Variants in AP2A2 observed in about 807,000 individuals in gnomAD.
AP2A2 encodes adaptor related protein complex 2 subunit alpha 2.
AP2A2 carries 32 observed loss-of-function variants against 104.2 expected under a neutral mutation model. The observed-to-expected ratio is 0.31, with a 90% CI of 0.23 to 0.41. AP2A2 has a LOEUF of 0.41. AP2A2 is among the 10% of genes least tolerant of loss of function. AP2A2 has a pLI of 1.00. For missense variants in AP2A2, 912 were observed against 1,261.0 expected (o/e 0.72, Z 4.19); for synonymous variants, 539 against 533.3 (o/e 1.01, Z -0.15).
At chr11:969,317 G>A (rs771667728) in intron 2 of AP2A2, among the ~76,000 whole-genome samples, 2 of 129,810 alleles carry the variant, frequency 1.5e-5, no homozygotes, top group Non-Finnish European at 3.1e-5. Flanking sequence ...CGCAACCTCC[G>A]CCTCCCAGGT....
intron 2 of AP2A2, among the ~76,000 whole-genome samples, chr11:959,842 C>G (rs1396059676): frequency 6.6e-6 from 1 of 152,090 alleles, no homozygotes; most frequent in Non-Finnish European, 1.5e-5. Context: ...CCACCGAACG[C>G]CTCCTGCTGA....
intron 18 of AP2A2, 73 bp from the exon 19 acceptor site, chr11:1,009,027 G>C: frequency 1.5e-6 from 2 of 1,298,294 alleles, no homozygotes; most frequent in East Asian, 2.4e-5. Context: ...TCTCACTCCA[G>C]GCTCTTTCCC....
chr11:954,345 C>T (rs1854157574), intron 1 of AP2A2, among the ~76,000 whole-genome samples: 1 of 151,952 alleles, frequency 6.6e-6, no homozygotes, highest in African/African-American at 2.4e-5. Flanking sequence ...GGCCTGCCCT[C>T]GTTTTAAAGT....
intron 14 of AP2A2, 143 bp from the exon 15 acceptor site, chr11:1,000,289 G>C: frequency 2.7e-6 from 2 of 729,790 alleles, no homozygotes; most frequent in East Asian, 2.7e-5. Flanking sequence ...GTCACTCACT[G>C]AGTTGTGTGC....
At chr11:939,877 C>T (rs1384087977) in intron 1 of AP2A2, among the ~76,000 whole-genome samples, 5 of 151,498 alleles carry the variant, frequency 3.3e-5, no homozygotes, top group South Asian at 2.1e-4. Flanking sequence ...TGTTCTCAGC[C>T]GAGAATAACA....
At chr11:967,101 A>T (rs1318440633) in intron 2 of AP2A2, among the ~76,000 whole-genome samples, 1 of 152,030 alleles carries the variant, frequency 6.6e-6, no homozygotes, top group East Asian at 2.0e-4. Context: ...TGGGAGGTGG[A>T]GGTTGCAGTG....
chr11:992,400 A>G lies in AP2A2; in HGVS notation c.1270-103A>G, dbSNP rs529906372. 6.5e-6 allele frequency: 8 copies of G among 1,223,468 alleles called. No homozygotes were observed. In the African/African-American group the frequency reaches 9.0e-5, roughly 14 times the overall value. 75.8% of individuals were successfully genotyped at this position (1,223,468 alleles called of 1,614,324 possible). A position where few individuals can be genotyped will look rare whatever the true frequency, so the allele number is the denominator to read the frequency against. ...CCATGTCCCAAACTTTTGTAGACAC[A>G]TTGAGGTGCTTCTGAAACTCTCACT... is the stretch of plus-strand genomic sequence containing the variant. On this transcript the variant is annotated intron_variant, in intron 10 of 21. Transcript: ENST00000448903. This position sits in a 1 kb window ranked among gnomAD's most constrained non-coding sequence, Gnocchi z 6.4.
intron 1 of AP2A2, among the ~76,000 whole-genome samples, chr11:937,759 T>C (rs1430027943): frequency 6.6e-6 from 1 of 152,260 alleles, no homozygotes; most frequent in African/African-American, 2.4e-5. Flanking sequence ...GTACGATTTC[T>C]ACTGAGTGCG....
chr11:1,009,439 G>T, intron 20 of AP2A2, 42 bp downstream of exon 20: 1 of 1,549,690 alleles, frequency 6.5e-7, no homozygotes, highest in Non-Finnish European at 8.8e-7. Flanking sequence ...CACGCAGCCC[G>T]TGACCCCGCG....
In AP2A2 at chr11:993,299, G is replaced by A. The variant is rs368078144; in HGVS notation, c.1468G>A (p.Ala490Thr). 2.2e-5 allele frequency: 36 copies of A among 1,609,996 alleles called. 1 individual carries two copies. The South Asian group carries it at 3.6e-4, about 16-fold the overall frequency. ...KTVFEALQAP[A>T]CHENLVKVGG... ...TGCTTCGCAGGCTCTTCAGGCTCCC[G>A]CGTGCCACGAGAACCTGGTCAAAGT... Residue 490 changes from alanine (A) to threonine (T), a missense_variant, in exon 12 of 22, where the codon GCG (alanine) becomes ACG (threonine). Physicochemically the swap from Ala to Thr is moderately conservative, Grantham distance 58 (BLOSUM62 0). Transcript: ENST00000448903. The surrounding 1 kb of genome is among the most constrained non-coding windows in gnomAD (Gnocchi z 8.2).
rs764077237 is a variant in AP2A2 at position 1,000,563 on chromosome 11, G to T, written c.2088G>T (p.Ala696=). The change falls in exon 15 of 22, where the codon GCG becomes GCT. Residue 696 remains alanine, a synonymous_variant. Coordinates refer to ENST00000448903, the MANE Select transcript of AP2A2 (RefSeq NM_012305.4). ...DVFSDSASVV[A]PLAPGSEDNF... ...TCTCAGACTCGGCCTCTGTGGTCGCGCCTCTCGCTCCTGGCTCCGAAGACA... is the reference window on the plus strand; with the variant it reads ...TCTCAGACTCGGCCTCTGTGGTCGCTCCTCTCGCTCCTGGCTCCGAAGACA... 1 of 1,550,398 alleles carries T rather than the reference G, an allele frequency of 6.4e-7. No individual in the cohort carries two copies. Among genetic ancestry groups the T allele is most frequent in the South Asian group, 1.2e-5 (1 of 84,864 alleles).
intron 9 of AP2A2, among the ~76,000 whole-genome samples, chr11:987,493 C>CA (rs1224595656): frequency 4.0e-5 from 6 of 149,994 alleles, no homozygotes; most frequent in East Asian, 2.0e-4. Flanking sequence ...ACTAAAAATG[C>CA]AAAAAAAAAT....
rs115708055 is a variant in AP2A2, at chr11:938,975, C to G, written c.67+12887C>G. Among the ~76,000 whole-genome samples, 1,399 of 152,032 alleles carry G rather than the reference C, an allele frequency of 9.2e-3. 29 individuals are homozygous for G. Among genetic ancestry groups the G allele is most frequent in the African/African-American group, 0.032 (1,330 of 41,478 alleles). On this transcript the variant is annotated intron_variant, in intron 1 of 21. Coordinates refer to ENST00000448903, the MANE Select transcript of AP2A2 (RefSeq NM_012305.4). ...AAAGTTAAAGAATGTAGTTTAAGGC[C>G]AGGTGCGGTGGCTCACGCCTGTAAT... is the stretch of plus-strand genomic sequence containing the variant.
At chr11:975,233 C>T (rs531888638) in intron 4 of AP2A2, among the ~76,000 whole-genome samples, 6 of 151,790 alleles carry the variant, frequency 4.0e-5, no homozygotes, top group Non-Finnish European at 7.4e-5. Context: ...CGGTCTCCCT[C>T]GTGTGAGCCG....
chr11:955,472 G>A (rs945278579), intron 1 of AP2A2, among the ~76,000 whole-genome samples: 1 of 152,214 alleles, frequency 6.6e-6, no homozygotes, highest in Non-Finnish European at 1.5e-5. Context: ...ATGCTGAGAC[G>A]CTGGGCAGCC....
intron 9 of AP2A2, 96 bp downstream of exon 9, chr11:987,049 G>T: frequency 7.2e-7 from 1 of 1,390,748 alleles, no homozygotes; most frequent in Non-Finnish European, 9.7e-7. Flanking sequence ...CTGACTCCCC[G>T]CAGAGATGGA....
chr11:981,950 C>T (rs572105274), intron 6 of AP2A2, among the ~76,000 whole-genome samples: 8 of 152,408 alleles, frequency 5.2e-5, no homozygotes, highest in South Asian at 2.1e-4. Flanking sequence ...GCCGTGCACA[C>T]GGCTCTCACA....
chr11:997,013 GC>G (rs1855879063), intron 14 of AP2A2, among the ~76,000 whole-genome samples: 1 of 151,986 alleles, frequency 6.6e-6, no homozygotes, highest in Non-Finnish European at 1.5e-5. Context: ...GCTCACGGGA[GC>G]CCCAGTGAGA....
At chr11:967,843 G>A (rs1854673721) in intron 2 of AP2A2, among the ~76,000 whole-genome samples, 1 of 152,178 alleles carries the variant, frequency 6.6e-6, no homozygotes, top group Non-Finnish European at 1.5e-5. Context: ...CACAAACCAA[G>A]GAGACAGATA....
Sources: gnomAD v4.1 joint callset for allele counts (sites outside exome capture counted in the v4.1 genomes callset) on GRCh38, gnomAD v4.1.1 for gene constraint, Gnocchi (gnomAD v3.1) non-coding constraint, MANE v1.5 for transcripts, NCBI Gene and HGNC (gene_info 2026-07-23, HGNC 2026-07-21) for gene names.